NFASC: variants seen among roughly 807,000 people sequenced by gnomAD.
NFASC encodes the protein neurofascin homolog.
NFASC carries 43 observed loss-of-function variants against 147.5 expected under a neutral mutation model. The ratio of observed to expected loss-of-function variants is 0.29; its 90% CI spans 0.23 to 0.38. The LOEUF is 0.38. Ranked by LOEUF, NFASC falls within the 10% of genes least tolerant of loss-of-function variation. The pLI is 1.00. For missense variants in NFASC, 1,320 were observed against 1,689.0 expected (o/e 0.78, Z 3.83); for synonymous variants, 622 against 665.5 (o/e 0.93, Z 1.01).
At chr1:204,942,946 C>G (rs2093461669) in intron 2 of NFASC, among the ~76,000 whole-genome samples, 1 of 152,194 alleles carries the variant, frequency 6.6e-6, no homozygotes, top group South Asian at 2.1e-4. Flanking sequence ...AGAAGGATGG[C>G]CTTGTCTCCC....
At chr1:204,840,170 A>G (rs1459687618) in intron 1 of NFASC, among the ~76,000 whole-genome samples, 3 of 152,158 alleles carry the variant, frequency 2.0e-5, no homozygotes, top group African/African-American at 4.8e-5. Flanking sequence ...TTTTCCAACA[A>G]GGTCCCAGGT....
At chr1:204,829,180 G>A (rs1270861309) in intron 1 of NFASC, among the ~76,000 whole-genome samples, 1 of 146,792 alleles carries the variant, frequency 6.8e-6, no homozygotes, top group Non-Finnish European at 1.5e-5. Flanking sequence ...ATTTCCTACC[G>A]CACACATCAG....
intron 1 of NFASC, among the ~76,000 whole-genome samples, chr1:204,856,667 T>C (rs1253533887): frequency 6.6e-6 from 1 of 152,148 alleles, no homozygotes; most frequent in African/African-American, 2.4e-5. Flanking sequence ...TGAAAAGTCA[T>C]TCCCCATTCT....
At chr1:204,981,711 T>G (rs766321083) in intron 20 of NFASC, 87 bp from the exon 21 acceptor site, 46 of 829,538 alleles carry the variant, frequency 5.5e-5, no homozygotes, top group Non-Finnish European at 8.0e-5. Flanking sequence ...CTGGAAGGGA[T>G]GCCTGGCACA....
In NFASC at chr1:204,997,313, A is replaced by C; in HGVS notation, c.2926A>C (p.Thr976Pro). The C allele has an allele frequency of 1.3e-6, 2 of 1,584,880 alleles. No homozygotes were observed. The highest frequency in any genetic ancestry group is 1.7e-6 in the Non-Finnish European group (2 of 1,165,626). The change falls in exon 25 of 30, where the codon ACC (threonine) becomes CCC (proline). Residue 976 changes from threonine to proline, a missense_variant. Around this residue, in one of 3 missense-constraint regions of NFASC, gnomAD observed 172 missense variants for 165.8 expected, o/e 1.04. Coordinates refer to ENST00000339876, the MANE Select transcript of NFASC (RefSeq NM_001005388.3). Reference protein sequence around the residue: ...VAPTTIATTTTVATTTTTTAA... With the variant: ...VAPTTIATTTPVATTTTTTAA... Reference sequence around the variant, plus strand: ...ACCTACCACCATCGCCACCACCACCACCGTCGCCACAACTACTACAACCAC... The same window carrying C: ...ACCTACCACCATCGCCACCACCACCCCCGTCGCCACAACTACTACAACCAC...
rs571640631 is a variant in NFASC at position 204,970,737 on chromosome 1, A to C, written c.1125A>C (p.Glu375Asp). 2 of 1,614,162 alleles carry C rather than the reference A, an allele frequency of 1.2e-6. No homozygotes were observed. Among genetic ancestry groups the C allele is most frequent in the East Asian group, 4.5e-5 (2 of 44,882 alleles). ...CTGTCCAGTGGATGGTGAATGGGGAACCTTTGCAATGTAAGTAGCGAGCTG... is the reference window on the plus strand; with the variant it reads ...CTGTCCAGTGGATGGTGAATGGGGACCCTTTGCAATGTAAGTAGCGAGCTG... Reference protein sequence around the residue: ...KPTVQWMVNGEPLQSAPPNPN... With the variant: ...KPTVQWMVNGDPLQSAPPNPN... The change falls in exon 11 of 30, where the codon GAA (glutamate) becomes GAC (aspartate). Residue 375 changes from glutamate to aspartate, a missense_variant. Physicochemically the swap from Glu to Asp is conservative, Grantham distance 45. Transcript: ENST00000339876.
intron 1 of NFASC, among the ~76,000 whole-genome samples, chr1:204,918,584 CTTTTTTT>C (rs71147720): frequency 1.6e-5 from 2 of 124,836 alleles, no homozygotes; most frequent in Non-Finnish European, 3.3e-5. Flanking sequence ...TTCTTTGAAA[CTTTTTTT>C]TTTTTTTTTT....
intron 17 of NFASC, among the ~76,000 whole-genome samples, chr1:204,978,645 C>T (rs753622366): frequency 3.9e-5 from 6 of 152,254 alleles, no homozygotes; most frequent in Non-Finnish European, 7.3e-5. Context: ...GGTGGCATTC[C>T]TGAATGCTTG....
rs1350436206 is a variant in NFASC at position 205,022,741 on chromosome 1, A to T, written c.*6202A>T. The T allele has an allele frequency of 6.6e-6, 1 of 152,274 alleles. No homozygotes were observed. Among genetic ancestry groups the T allele is most frequent in the Admixed American group, 6.6e-5 (1 of 15,256 alleles). The allele number at this position is 152,274 out of a possible 1,614,324, so 9.4% of individuals were successfully genotyped here. ...CAATGAAAAGGCCAAATTATTCTGA[A>T]TTTTTTTTGAATCACTGTAAAAAAA... On this transcript the variant is annotated 3_prime_UTR_variant, in exon 30 of 30. Coordinates refer to ENST00000339876, the MANE Select transcript of NFASC (RefSeq NM_001005388.3).
In NFASC at chr1:205,020,453, T is replaced by C. The variant is rs1277537409; in HGVS notation, c.*3914T>C. The C allele has an allele frequency of 6.6e-6, 1 of 152,190 alleles. No homozygotes were observed. Among genetic ancestry groups the C allele is most frequent in the Non-Finnish European group, 1.5e-5 (1 of 68,052 alleles). The allele number at this position is 152,190 out of a possible 1,614,324, so 9.4% of individuals were successfully genotyped here. On this transcript the variant is annotated 3_prime_UTR_variant, in exon 30 of 30. Transcript: ENST00000339876. Reference sequence around the variant, plus strand: ...CACATCCAAGTTGCGTGAGATAAGATGCAAAGGGCTCTGTGTGGATGAGGA... The same window carrying C: ...CACATCCAAGTTGCGTGAGATAAGACGCAAAGGGCTCTGTGTGGATGAGGA...
At chr1:204,962,188 C>A in intron 8 of NFASC, 1 of 1,598,410 alleles carries the variant, frequency 6.3e-7, no homozygotes, top group Non-Finnish European at 8.6e-7. Context: ...TTGGGAGTAA[C>A]CTTGCCTGTG....
chr1:204,919,889 G>A (rs141982711), intron 1 of NFASC, among the ~76,000 whole-genome samples: 4 of 152,238 alleles, frequency 2.6e-5, no homozygotes, highest in African/African-American at 9.6e-5. Flanking sequence ...AAAGTGCTGG[G>A]ATTACAGGTG....
In NFASC at chr1:205,009,542, G is replaced by A; in HGVS notation, c.3290-15G>A. 2 of 1,613,614 alleles carry A rather than the reference G, an allele frequency of 1.2e-6. No individual in the cohort carries two copies. The highest frequency in any genetic ancestry group is 1.7e-6 in the Non-Finnish European group (2 of 1,179,708). On this transcript the variant is annotated splice_polypyrimidine_tract_variant and intron_variant, in intron 27 of 29. Transcript: ENST00000339876. ...TGAAATCATTCACGGGTTTGCTTCC[G>A]GCCCTCCCCGCCAGCTTACACCAAC...
At chr1:205,007,078 T>C (rs73071276) in intron 27 of NFASC, among the ~76,000 whole-genome samples, 9,034 of 149,224 alleles carry the variant, frequency 0.061, 599 homozygotes, top group African/African-American at 0.16. Context: ...CTGGAGGGGG[T>C]GGAAGAGCAT....
At chr1:204,874,564 C>T (rs74406414) in intron 1 of NFASC, among the ~76,000 whole-genome samples, 2,397 of 152,322 alleles carry the variant, frequency 0.016, 36 homozygotes, top group Non-Finnish European at 0.025. Context: ...TTCCAACCCA[C>T]CATCCTGAAT....
At chr1:205,008,113 C>A (rs1438418338) in intron 27 of NFASC, among the ~76,000 whole-genome samples, 2 of 152,024 alleles carry the variant, frequency 1.3e-5, no homozygotes, top group Admixed American at 1.3e-4. Context: ...CCCGTACTGG[C>A]AACTTTCTTG....
At chr1:204,985,120 C>G (rs1391843122) in intron 21 of NFASC, among the ~76,000 whole-genome samples, 3 of 152,254 alleles carry the variant, frequency 2.0e-5, no homozygotes, top group Non-Finnish European at 2.9e-5. Context: ...ATGGGTCCCC[C>G]TCTAAGTCTG....
chr1:204,966,509 T>C (rs2094958455), intron 8 of NFASC, among the ~76,000 whole-genome samples: 1 of 152,198 alleles, frequency 6.6e-6, no homozygotes, highest in African/African-American at 2.4e-5. Context: ...TTGGTTGTTT[T>C]GGTGATTCCG....
At chr1:205,011,330 C>T (rs1005901803) in intron 28 of NFASC, among the ~76,000 whole-genome samples, 2 of 151,968 alleles carry the variant, frequency 1.3e-5, no homozygotes, top group African/African-American at 4.8e-5. Flanking sequence ...TGAGGGAGGG[C>T]AGGAAATGAT....
Sources: allele counts gnomAD v4.1 joint callset (sites outside exome capture counted in the v4.1 genomes callset), GRCh38; gene constraint gnomAD v4.1.1; regional missense constraint gnomAD v4.1.1; transcripts MANE v1.5; gene names NCBI Gene and HGNC (gene_info 2026-07-23, HGNC 2026-07-21).